NKAIN3: variants seen among roughly 807,000 people sequenced by gnomAD.
NKAIN3 encodes sodium/potassium transporting ATPase interacting 3.
Under a neutral mutation model 30.2 loss-of-function variants are expected in NKAIN3, and 25 were observed. That is an observed-to-expected ratio of 0.83 (90% CI 0.60 to 1.16). NKAIN3 has a LOEUF of 1.16. NKAIN3 is among the 50% of genes most tolerant of loss of function. The probability of loss-of-function intolerance (pLI) is 0.00; values close to 1 mark genes in which losing one functional copy is unlikely to be tolerated. For synonymous variants in NKAIN3, 91 were observed against 89.6 expected (o/e 1.02, Z -0.09); for missense variants, 225 against 254.1 (o/e 0.89, Z 0.78).
At chr8:62,673,266 C>A (rs1259931398) in intron 3 of NKAIN3, among the ~76,000 whole-genome samples, 1 of 152,190 alleles carries the variant, frequency 6.6e-6, no homozygotes, top group Non-Finnish European at 1.5e-5. Context: ...AATGGCAATT[C>A]TTAATTCATT....
chr8:62,450,971 T>G (rs1445160537), intron 1 of NKAIN3, among the ~76,000 whole-genome samples: 1 of 152,182 alleles, frequency 6.6e-6, no homozygotes, highest in Non-Finnish European at 1.5e-5. Flanking sequence ...TAGAGTGATT[T>G]TTCCCAAAAG....
At chr8:62,571,427 G>A (rs930520212) in intron 1 of NKAIN3, among the ~76,000 whole-genome samples, 32 of 152,208 alleles carry the variant, frequency 2.1e-4, no homozygotes, top group Non-Finnish European at 4.0e-4. Context: ...AGCTGCTTTC[G>A]TGGGCTAATG....
At chr8:62,314,855 A>G (rs540500865) in intron 1 of NKAIN3, among the ~76,000 whole-genome samples, 1 of 152,290 alleles carries the variant, frequency 6.6e-6, no homozygotes, top group East Asian at 1.9e-4. Flanking sequence ...TATGATGGGT[A>G]TCTATAATCA....
intron 1 of NKAIN3, among the ~76,000 whole-genome samples, chr8:62,524,617 C>T (rs1212427644): frequency 6.6e-6 from 1 of 152,108 alleles, no homozygotes; most frequent in Admixed American, 6.6e-5. Context: ...ATCAATTAAC[C>T]CTCATGGCAT....
At chr8:62,843,858 G>T (rs1267665095) in intron 4 of NKAIN3, among the ~76,000 whole-genome samples, 1 of 151,978 alleles carries the variant, frequency 6.6e-6, no homozygotes, top group African/African-American at 2.4e-5. Flanking sequence ...GTAAGAGGGA[G>T]TGCTGTTCAC....
At chr8:62,353,838 T>A (rs1457281522) in intron 1 of NKAIN3, among the ~76,000 whole-genome samples, 1 of 152,198 alleles carries the variant, frequency 6.6e-6, no homozygotes, top group Non-Finnish European at 1.5e-5. Flanking sequence ...AAAGACAAAA[T>A]TTATAATATA....
intron 3 of NKAIN3, among the ~76,000 whole-genome samples, chr8:62,745,488 C>T (rs1816041091): frequency 6.6e-6 from 1 of 152,176 alleles, no homozygotes; most frequent in African/African-American, 2.4e-5. Context: ...TCTCCATCAC[C>T]ACTACTTCTT....
intron 1 of NKAIN3, among the ~76,000 whole-genome samples, chr8:62,530,577 A>G (rs1808457297): frequency 6.6e-6 from 1 of 151,872 alleles, no homozygotes; most frequent in Admixed American, 6.6e-5. Context: ...GCATTGAGTC[A>G]TTTTTCTCTA....
chr8:62,527,961 G>C (rs1234406238), intron 1 of NKAIN3, among the ~76,000 whole-genome samples: 1 of 151,476 alleles, frequency 6.6e-6, no homozygotes, highest in East Asian at 1.9e-4. Context: ...AAGAGAGAAA[G>C]AGAGATAGAG....
At chr8:62,685,241 A>T in intron 3 of NKAIN3, among the ~76,000 whole-genome samples, 1 of 152,280 alleles carries the variant, frequency 6.6e-6, no homozygotes, top group African/African-American at 2.4e-5. Flanking sequence ...AGCTCAAGGG[A>T]TCAAACTGGA....
At chr8:62,611,166 C>A (rs185075126) in intron 3 of NKAIN3, among the ~76,000 whole-genome samples, 2 of 151,888 alleles carry the variant, frequency 1.3e-5, no homozygotes, top group East Asian at 3.9e-4. Flanking sequence ...CTTCTAATTT[C>A]TTTTTTAAAA....
chr8:62,325,076 T>C (rs1050289506), intron 1 of NKAIN3, among the ~76,000 whole-genome samples: 2 of 152,114 alleles, frequency 1.3e-5, no homozygotes, highest in African/African-American at 4.8e-5. Flanking sequence ...TTTGTGCACC[T>C]GTCACCCAAA....
intron 3 of NKAIN3, among the ~76,000 whole-genome samples, chr8:62,598,827 T>A (rs1285241428): frequency 6.6e-6 from 1 of 152,010 alleles, no homozygotes; most frequent in Admixed American, 6.6e-5. Context: ...AATGACTGTC[T>A]TGTCAGAAAG....
At chr8:62,466,765 A>G (rs1253652490) in intron 1 of NKAIN3, among the ~76,000 whole-genome samples, 1 of 152,162 alleles carries the variant, frequency 6.6e-6, no homozygotes, top group Non-Finnish European at 1.5e-5. Context: ...ATCATGGAGT[A>G]TAATGCATAT....
chr8:62,425,582 A>G (rs139769517), intron 1 of NKAIN3, among the ~76,000 whole-genome samples: 77 of 152,012 alleles, frequency 5.1e-4, no homozygotes, highest in African/African-American at 1.4e-3. Context: ...ATTTGCTGTT[A>G]TTTGACTTGT....
At chr8:62,799,573 G>C (rs1208215188) in intron 4 of NKAIN3, among the ~76,000 whole-genome samples, 1 of 152,102 alleles carries the variant, frequency 6.6e-6, no homozygotes, top group Non-Finnish European at 1.5e-5. Context: ...ACAGTGAAAA[G>C]GGAAGACTTT....
At chr8:62,903,298 A>T (rs1411837270) in intron 4 of NKAIN3, among the ~76,000 whole-genome samples, 1 of 152,200 alleles carries the variant, frequency 6.6e-6, no homozygotes, top group Non-Finnish European at 1.5e-5. Context: ...AGACACTTCC[A>T]TAGAAGATGC....
intron 3 of NKAIN3, among the ~76,000 whole-genome samples, chr8:62,651,712 G>T (rs1369353559): frequency 6.6e-6 from 1 of 152,082 alleles, no homozygotes; most frequent in Non-Finnish European, 1.5e-5. Flanking sequence ...GTGGGGGTCT[G>T]GTGGGAGGTG....
At chr8:62,504,186 T>C (rs1160123204) in intron 1 of NKAIN3, among the ~76,000 whole-genome samples, 1 of 152,148 alleles carries the variant, frequency 6.6e-6, no homozygotes, top group Non-Finnish European at 1.5e-5. Flanking sequence ...CTAATGCTTA[T>C]TGAATCTGAG....
Sources: gnomAD v4.1 joint callset for allele counts (sites outside exome capture counted in the v4.1 genomes callset) on GRCh38, gnomAD v4.1.1 for gene constraint, MANE v1.5 for transcripts, NCBI Gene and HGNC (gene_info 2026-07-23, HGNC 2026-07-21) for gene names.